SLC20A2: variants seen among roughly 807,000 people sequenced by gnomAD.
The protein encoded by SLC20A2 is solute carrier family 20 member 2.
A neutral mutation model predicts 61.0 loss-of-function variants in SLC20A2; 30 were observed. That is an observed-to-expected ratio of 0.49 (90% CI 0.37 to 0.67). The LOEUF is 0.67. Among genes scored for constraint, SLC20A2 ranks in the 30% least tolerant of loss-of-function variants. The pLI, the probability that SLC20A2 is intolerant of heterozygous loss-of-function variation, is 0.00. For synonymous variants in SLC20A2, 351 were observed against 353.3 expected (o/e 0.99, Z 0.07); for missense variants, 626 against 866.4 (o/e 0.72, Z 3.48).
At chr8:42,448,104 T>A (rs1418742676) in intron 5 of SLC20A2, among the ~76,000 whole-genome samples, 1 of 152,246 alleles carries the variant, frequency 6.6e-6, no homozygotes, top group Non-Finnish European at 1.5e-5. Flanking sequence ...ACTCGAATGG[T>A]ACCCGCTCTT....
intron 3 of SLC20A2, among the ~76,000 whole-genome samples, chr8:42,464,829 G>A (rs530698242): frequency 6.6e-6 from 1 of 152,058 alleles, no homozygotes; most frequent in African/African-American, 2.4e-5. Context: ...AAAGAAATGA[G>A]CTGGGCGTGG....
intron 1 of SLC20A2, among the ~76,000 whole-genome samples, chr8:42,531,428 AATGTG>A (rs1323255969): frequency 1.3e-5 from 2 of 152,208 alleles, no homozygotes; most frequent in African/African-American, 4.8e-5. Context: ...AAACACCATG[AATGTG>A]ATATATAAGG....
At chr8:42,526,610 T>A (rs773408604) in intron 1 of SLC20A2, among the ~76,000 whole-genome samples, 10 of 150,872 alleles carry the variant, frequency 6.6e-5, no homozygotes, top group Non-Finnish European at 1.2e-4. Context: ...GAGGCAGAGG[T>A]TGCAGTGAGC....
upstream of SLC20A2, chr8:42,502,348 T>G (rs905785931): frequency 6.6e-6 from 1 of 152,228 alleles, no homozygotes. Flanking sequence ...ATATGTTAGT[T>G]TGGACTTCAG....
At chr8:42,540,934 C>A (rs1299804635) in intron 1 of SLC20A2, 1 of 152,222 alleles carries the variant, frequency 6.6e-6, no homozygotes, top group African/African-American at 2.4e-5. Context: ...GCTATAGCAT[C>A]CTGGCCATAT....
intron 8 of SLC20A2, 111 bp downstream of exon 8, chr8:42,436,878 G>A (rs1355841356): frequency 5.1e-6 from 5 of 977,522 alleles, no homozygotes; most frequent in Non-Finnish European, 7.5e-6. Flanking sequence ...CCCTATCCCT[G>A]GCAGGGACTT....
At chr8:42,530,312 C>G (rs1272515120) in intron 1 of SLC20A2, among the ~76,000 whole-genome samples, 1 of 151,966 alleles carries the variant, frequency 6.6e-6, no homozygotes, top group African/African-American at 2.4e-5. Context: ...TTTAAAAAAG[C>G]AAAAAAGTTA....
intron 10 of SLC20A2, among the ~76,000 whole-genome samples, chr8:42,423,524 G>C (rs1247267732): frequency 6.6e-6 from 1 of 151,604 alleles, no homozygotes; most frequent in Non-Finnish European, 1.5e-5. Flanking sequence ...TTTTATCATG[G>C]TCTTCTGATT....
At chr8:42,475,250 C>T (rs1586148420) in intron 1 of SLC20A2, among the ~76,000 whole-genome samples, 1 of 152,128 alleles carries the variant, frequency 6.6e-6, no homozygotes, top group Middle Eastern at 3.4e-3. Context: ...CAGGCATGCA[C>T]CATTATACCC....
intron 5 of SLC20A2, among the ~76,000 whole-genome samples, chr8:42,446,597 G>A (rs1206490906): frequency 6.6e-6 from 1 of 152,202 alleles, no homozygotes; most frequent in African/African-American, 2.4e-5. Context: ...GATCCAATGA[G>A]TAATGCAGGC....
chr8:42,436,857 C>G, intron 8 of SLC20A2, 132 bp downstream of exon 8: 1 of 781,162 alleles, frequency 1.3e-6, no homozygotes, highest in Non-Finnish European at 2.0e-6. Flanking sequence ...GTCTGTCCAC[C>G]GCCTGCGCAC....
rs1341493550 is a variant in SLC20A2 at position 42,452,697 on chromosome 8, G to A, written c.613+7199C>T. 2.0e-5 allele frequency among the ~76,000 whole-genome samples: 3 copies of A among 151,836 alleles called. No individual in the cohort carries two copies. In the East Asian group the frequency reaches 5.8e-4, roughly 30 times the overall value. ...AAGAGCAGAAGGAGGAAAAGATGGA[G>A]GAGGGGAGGAAGAGATGAAGAGGAG... is the stretch of plus-strand genomic sequence containing the variant. On this transcript the variant is annotated intron_variant, in intron 5 of 10. Transcript: ENST00000520262.
Position 42,419,224 on chromosome 8 carries a change from C to T in SLC20A2, c.1795-1257G>A, listed in dbSNP as rs927128398. On this transcript the variant is annotated intron_variant, in intron 10 of 10. Transcript: ENST00000520262. ...CTGCATCTTATCAAACCTCACTTTCCCCTTCTGCTAAAGATTTCACAATCC... is the reference window on the plus strand; with the variant it reads ...CTGCATCTTATCAAACCTCACTTTCTCCTTCTGCTAAAGATTTCACAATCC... 2.0e-5 allele frequency among the ~76,000 whole-genome samples: 3 copies of T among 152,090 alleles called. No individual in the cohort carries two copies. The East Asian group carries it at 5.8e-4, about 29-fold the overall frequency.
rs562001636 is a variant in SLC20A2, at chr8:42,526,690, C to T, written c.-265+15131G>A. Among the ~76,000 whole-genome samples the T allele has an allele frequency of 4.2e-4, 62 of 147,084 alleles. No homozygotes were observed. In the South Asian group the frequency reaches 0.013, roughly 31 times the overall value. ...TCTGTCTCAAAAAAAAAAAAAGAAA[C>T]TGTCACAGCCAATGACTGAAATCTG... On this transcript the variant is annotated intron_variant, in intron 1 of 10. Coordinates refer to the SLC20A2 transcript ENST00000342228.
chr8:42,491,764 C>T (rs1229324805), intron 1 of SLC20A2, among the ~76,000 whole-genome samples: 7 of 152,122 alleles, frequency 4.6e-5, no homozygotes, highest in Non-Finnish European at 1.0e-4. Context: ...CTGCTCTATC[C>T]CTTCTAAGGA....
intron 1 of SLC20A2, chr8:42,541,377 G>A (rs1813135662): frequency 6.8e-6 from 1 of 147,844 alleles, no homozygotes; most frequent in Non-Finnish European, 1.5e-5. Context: ...CGGGCCGGGG[G>A]CTCGCGGGAG....
intron 1 of SLC20A2, among the ~76,000 whole-genome samples, chr8:42,496,924 G>A (rs908394478): frequency 1.3e-5 from 2 of 152,164 alleles, no homozygotes; most frequent in South Asian, 2.1e-4. Flanking sequence ...TGGGCTACAC[G>A]CTACCTCTGC....
chr8:42,417,733 G>T lies in SLC20A2; in HGVS notation c.*70C>A. On this transcript the variant is annotated 3_prime_UTR_variant, in exon 11 of 11. Coordinates refer to ENST00000520262, the MANE Select transcript of SLC20A2 (RefSeq NM_001257180.2). ...CGGCCAGGATGTGTATGTGCGGCAC[G>T]AGCACACATGTCTCCCACACGCCAA... The T allele has an allele frequency of 6.5e-7, 1 of 1,531,410 alleles. No homozygotes were observed. The highest frequency in any genetic ancestry group is 9.0e-7 in the Non-Finnish European group (1 of 1,110,492). 94.9% of individuals were successfully genotyped at this position (1,531,410 alleles called of 1,614,324 possible).
chr8:42,419,671 CT>C, intron 10 of SLC20A2: 1 of 965,134 alleles, frequency 1.0e-6, no homozygotes, highest in Non-Finnish European at 1.2e-6. Flanking sequence ...GTTTTAGGAC[CT>C]TAATACATAA....
Sources: gnomAD v4.1 joint callset for allele counts (sites outside exome capture counted in the v4.1 genomes callset) on GRCh38, gnomAD v4.1.1 for gene constraint, MANE v1.5 for transcripts, NCBI Gene and HGNC (gene_info 2026-07-23, HGNC 2026-07-21) for gene names.